The following STK38 variants were observed in gnomAD, a reference collection of about 807,000 sequenced individuals.
STK38 encodes serine/threonine-protein kinase 38.
STK38 carries 26 observed loss-of-function variants against 59.0 expected under a neutral mutation model. The observed-to-expected ratio is 0.44, with a 90% CI of 0.32 to 0.61. STK38 has a LOEUF of 0.61. Ranked by LOEUF, STK38 falls within the 20% of genes least tolerant of loss-of-function variation. The probability of loss-of-function intolerance (pLI) is 0.04; values close to 1 mark genes in which losing one functional copy is unlikely to be tolerated. For synonymous variants in STK38, 175 were observed against 176.6 expected, an observed-to-expected ratio of 0.99 and a Z score of 0.07; for missense variants, 433 against 566.0, an observed-to-expected ratio of 0.76 and a Z score of 2.38.
intron 9 of STK38, 53 bp downstream of exon 9, chr6:36,506,530 G>C: frequency 1.9e-6 from 3 of 1,560,064 alleles, no homozygotes; most frequent in Non-Finnish European, 2.6e-6. Context: ...AAAATCTTTT[G>C]AACTTATTCA....
chr6:36,533,913 T>C lies in STK38; in HGVS notation c.131+6159A>G, dbSNP rs555185608. On this transcript the variant is annotated intron_variant, in intron 2 of 13. Transcript: ENST00000229812. ...ACGGGACACTGTGCAGACACTTGTT[T>C]ACTCCAGTGAACAGCAGCTAGCCAC... Among the ~76,000 whole-genome samples, 21 of 152,340 alleles carry C rather than the reference T, an allele frequency of 1.4e-4. No individual in the cohort carries two copies. In the South Asian group the frequency reaches 4.3e-3, roughly 32 times the overall value.
rs148024697 is a variant in STK38 at position 36,535,277 on chromosome 6, C to A, written c.131+4795G>T. Among the ~76,000 whole-genome samples the A allele has an allele frequency of 5.1e-3, 780 of 152,000 alleles. 3 individuals are homozygous for A. Among genetic ancestry groups the A allele is most frequent in the African/African-American group, 0.017 (721 of 41,456 alleles). On this transcript the variant is annotated intron_variant, in intron 2 of 13. Transcript: ENST00000229812. ...CAGCCTGCCCAACATGGTGAAACCC[C>A]GTCTCTATTAAAAATACAAAAAATT...
intron 5 of STK38, among the ~76,000 whole-genome samples, chr6:36,520,615 C>A: frequency 6.6e-6 from 1 of 152,140 alleles, no homozygotes; most frequent in East Asian, 1.9e-4. Flanking sequence ...CCTACACACC[C>A]ATACCACACA....
intron 2 of STK38, among the ~76,000 whole-genome samples, chr6:36,529,360 G>A (rs1212249156): frequency 2.0e-5 from 3 of 152,116 alleles, no homozygotes; most frequent in Non-Finnish European, 1.5e-5. Flanking sequence ...ATATTGAAAC[G>A]GGGTCACTAT....
chr6:36,503,389 A>G (rs1776885815), intron 9 of STK38, among the ~76,000 whole-genome samples: 1 of 151,964 alleles, frequency 6.6e-6, no homozygotes, highest in Admixed American at 6.6e-5. Context: ...TGACTTTTGC[A>G]TATACTGTAA....
chr6:36,527,652 GAAGC>G (rs770591592), intron 2 of STK38, among the ~76,000 whole-genome samples: 1 of 151,810 alleles, frequency 6.6e-6, no homozygotes, highest in African/African-American at 2.4e-5. Context: ...AAAACTAAAA[GAAGC>G]AAGTAAAACT....
chr6:36,516,186 G>C (rs1435187945), intron 6 of STK38, among the ~76,000 whole-genome samples: 1 of 152,152 alleles, frequency 6.6e-6, no homozygotes, highest in Non-Finnish European at 1.5e-5. Flanking sequence ...TACCCTTTAT[G>C]TAACTTTTAA....
chr6:36,496,592 G>C (rs1191807349), intron 13 of STK38, 119 bp downstream of exon 13: 2 of 761,780 alleles, frequency 2.6e-6, no homozygotes, highest in Admixed American at 2.6e-5. Context: ...TACTTACAAA[G>C]AACCTGAAGA....
intron 2 of STK38, among the ~76,000 whole-genome samples, chr6:36,536,892 A>G (rs374703167): frequency 1.2e-4 from 18 of 152,100 alleles, no homozygotes; most frequent in African/African-American, 4.1e-4. Context: ...AGGTCACAGA[A>G]TACAATAACC....
chr6:36,534,195 G>C lies in STK38; in HGVS notation c.131+5877C>G, dbSNP rs368857099. 5.3e-5 allele frequency among the ~76,000 whole-genome samples: 8 copies of C among 151,302 alleles called. No homozygotes were observed. The East Asian group carries it at 1.5e-3, about 29-fold the overall frequency. On this transcript the variant is annotated intron_variant, in intron 2 of 13. Coordinates refer to ENST00000229812, the MANE Select transcript of STK38 (RefSeq NM_007271.4). ...TAACTCACCATATTAAAAGAATAAA[G>C]GAGAAAAACAATATGACCATTATGG...
chr6:36,540,325 T>A, intron 1 of STK38, 118 bp from the exon 2 acceptor site: 1 of 953,366 alleles, frequency 1.0e-6, no homozygotes, highest in Non-Finnish European at 1.6e-6. Flanking sequence ...GACAAACAGG[T>A]AATATGTAAC....
Position 36,495,247 on chromosome 6 carries a change from G to T in STK38, c.*537C>A, listed in dbSNP as rs1406364095. ...CCACTCGCCTGAGGCTGAGGTATGG[G>T]TAGAAACTACCATCACCACCCTCAG... On this transcript the variant is annotated 3_prime_UTR_variant, in exon 14 of 14. Coordinates refer to ENST00000229812, the MANE Select transcript of STK38 (RefSeq NM_007271.4). 1 of 154,856 alleles carries T rather than the reference G, an allele frequency of 6.5e-6. No individual in the cohort carries two copies. Among genetic ancestry groups the T allele is most frequent in the African/African-American group, 2.4e-5 (1 of 41,470 alleles). 9.6% of individuals were successfully genotyped at this position (154,856 alleles called of 1,614,324 possible). A position where few individuals can be genotyped will look rare whatever the true frequency, so the allele number is the denominator to read the frequency against.
At chr6:36,512,645 T>C (rs1777139945) in intron 7 of STK38, among the ~76,000 whole-genome samples, 1 of 152,188 alleles carries the variant, frequency 6.6e-6, no homozygotes, top group Admixed American at 6.5e-5. Context: ...TTTCAGTGAT[T>C]AGATTATAGG....
chr6:36,527,207 A>AAAAAAAAAAAAATATAT (rs60162863), intron 2 of STK38, among the ~76,000 whole-genome samples: 6 of 119,352 alleles, frequency 5.0e-5, no homozygotes, highest in African/African-American at 2.1e-4. Flanking sequence ...AAAAAAAAAA[A>AAAAAAAAAAAAATATAT]ATATATGTAT....
At chr6:36,525,864 G>A (rs893677792) in intron 2 of STK38, among the ~76,000 whole-genome samples, 2 of 151,958 alleles carry the variant, frequency 1.3e-5, no homozygotes, top group African/African-American at 2.4e-5. Flanking sequence ...GGCAGGTTGC[G>A]AGGAGAGGAG....
chr6:36,524,304 A>G, intron 4 of STK38, 37 bp downstream of exon 4: 1 of 1,587,070 alleles, frequency 6.3e-7, no homozygotes, highest in Non-Finnish European at 8.5e-7. Flanking sequence ...GAAGTTTTGC[A>G]ATATTTTTCT....
intron 9 of STK38, among the ~76,000 whole-genome samples, chr6:36,505,970 T>A (rs1368870123): frequency 6.6e-6 from 1 of 152,236 alleles, no homozygotes; most frequent in East Asian, 1.9e-4. Flanking sequence ...CTGGTAAATT[T>A]GTACTTCCAA....
At chr6:36,514,840 C>T (rs1178531348) in intron 7 of STK38, among the ~76,000 whole-genome samples, 1 of 120,706 alleles carries the variant, frequency 8.3e-6, no homozygotes, top group Non-Finnish European at 1.6e-5. Flanking sequence ...CAGGGTGAGA[C>T]TTCATCTCAA....
rs577958673 is a variant in STK38, at chr6:36,496,656, T to C, written c.1267+55A>G. The C allele has an allele frequency of 1.6e-4, 208 of 1,309,148 alleles. 2 individuals carry two copies. In the South Asian group the frequency reaches 2.4e-3, roughly 15 times the overall value. 81.1% of individuals were successfully genotyped at this position (1,309,148 alleles called of 1,614,324 possible). A position where few individuals can be genotyped will look rare whatever the true frequency, so the allele number is the denominator to read the frequency against. On this transcript the variant is annotated intron_variant, in intron 13 of 13. Transcript: ENST00000229812. ...CTGATTTGTAAACATCATCCCAAAA[T>C]TGGGGGTAAATAATGTGCTTATAAG... is the stretch of plus-strand genomic sequence containing the variant.
Sources: gnomAD v4.1 joint callset for allele counts (sites outside exome capture counted in the v4.1 genomes callset) on GRCh38, gnomAD v4.1.1 for gene constraint, MANE v1.5 for transcripts, NCBI Gene and HGNC (gene_info 2026-07-23, HGNC 2026-07-21) for gene names.